Variants in NDST4 observed in about 807,000 individuals in gnomAD.
NDST4 encodes the protein N-heparan sulfate sulfotransferase 4.
NDST4 carries 63 observed loss-of-function variants against 100.8 expected under a neutral mutation model. That is an observed-to-expected ratio of 0.62 (90% confidence interval 0.51 to 0.77). NDST4 has a LOEUF of 0.77. NDST4 is among the 30% of genes least tolerant of loss of function. The pLI, the probability that NDST4 is intolerant of heterozygous loss-of-function variation, is 0.00. For synonymous variants in NDST4, 377 were observed against 361.8 expected (o/e 1.04, Z -0.48); for missense variants, 943 against 1,018.4 (o/e 0.93, Z 1.01).
At chr4:115,002,426 T>A (rs1727311277) in intron 2 of NDST4, among the ~76,000 whole-genome samples, 1 of 152,178 alleles carries the variant, frequency 6.6e-6, no homozygotes, top group African/African-American at 2.4e-5. Flanking sequence ...ATTACAAAAA[T>A]TTCTCCCATT....
chr4:115,040,689 T>C lies in NDST4; in HGVS notation c.978+35370A>G, dbSNP rs115639063. ...TACTTTTAGCAGGAGTTAGGGCTCT[T>C]TGGCAAAGTAGCTAAAACCAGACCT... On this transcript the variant is annotated intron_variant, in intron 2 of 13. Transcript: ENST00000264363. 3.4e-3 allele frequency among the ~76,000 whole-genome samples: 518 copies of C among 152,106 alleles called. 3 individuals are homozygous for C. The highest frequency in any genetic ancestry group is 4.1e-3 in the Non-Finnish European group (276 of 67,952).
intron 2 of NDST4, among the ~76,000 whole-genome samples, chr4:114,981,875 T>C (rs544862548): frequency 6.6e-6 from 1 of 152,268 alleles, no homozygotes; most frequent in Non-Finnish European, 1.5e-5. Context: ...TCACATCAAA[T>C]TGTAATCCCC....
At chr4:115,047,946 G>T (rs556163177) in intron 2 of NDST4, among the ~76,000 whole-genome samples, 5 of 151,972 alleles carry the variant, frequency 3.3e-5, no homozygotes, top group Admixed American at 3.3e-4. Context: ...AATGTATGAG[G>T]TTAAATGAGG....
intron 10 of NDST4, among the ~76,000 whole-genome samples, chr4:114,840,372 C>T (rs2126183664): frequency 6.6e-6 from 1 of 151,896 alleles, no homozygotes; most frequent in South Asian, 2.1e-4. Flanking sequence ...TGAGATAGAT[C>T]CTGGAGATGA....
intron 2 of NDST4, among the ~76,000 whole-genome samples, chr4:114,984,293 C>T (rs1467801726): frequency 6.6e-6 from 1 of 152,028 alleles, no homozygotes; most frequent in Non-Finnish European, 1.5e-5. Flanking sequence ...ATTCTCCTGC[C>T]TCAGCCTCCT....
At chr4:114,842,644 A>AAAAAAAAAAAAAAAAAC in intron 10 of NDST4, 1 of 272,026 alleles carries the variant, frequency 3.7e-6, no homozygotes, top group Non-Finnish European at 6.8e-6. Context: ...AAAAAAAAAA[A>AAAAAAAAAAAAAAAAAC]AAAAAAATTA....
intron 11 of NDST4, among the ~76,000 whole-genome samples, chr4:114,835,377 CA>C (rs1319084987): frequency 6.6e-6 from 1 of 152,106 alleles, no homozygotes; most frequent in Non-Finnish European, 1.5e-5. Context: ...GTTATTTACC[CA>C]GTAGTCACCC....
At chr4:114,991,483 T>G in intron 2 of NDST4, among the ~76,000 whole-genome samples, 1 of 152,064 alleles carries the variant, frequency 6.6e-6, no homozygotes, top group Non-Finnish European at 1.5e-5. Context: ...GAAGAACTAT[T>G]TTTTAATAAC....
intron 1 of NDST4, among the ~76,000 whole-genome samples, chr4:115,078,111 C>A (rs1186376953): frequency 6.6e-6 from 1 of 151,990 alleles, no homozygotes; most frequent in African/African-American, 2.4e-5. Context: ...TTATTTTGTT[C>A]TTGTATTGCT....
intron 4 of NDST4, among the ~76,000 whole-genome samples, chr4:114,944,019 G>A (rs1407695405): frequency 1.3e-5 from 2 of 152,190 alleles, no homozygotes; most frequent in East Asian, 3.9e-4. Context: ...AAGGATTGAA[G>A]CAGAGAGGAG....
At chr4:114,866,583 A>T (rs1724030585) in intron 7 of NDST4, among the ~76,000 whole-genome samples, 1 of 152,168 alleles carries the variant, frequency 6.6e-6, no homozygotes, top group Non-Finnish European at 1.5e-5. Flanking sequence ...TATTTTGAAG[A>T]GAGTGGCTAT....
At chr4:114,896,940 G>A (rs893177571) in intron 6 of NDST4, among the ~76,000 whole-genome samples, 2 of 151,788 alleles carry the variant, frequency 1.3e-5, no homozygotes, top group South Asian at 2.1e-4. Context: ...ATCAATTTTC[G>A]GTTCAGAGCA....
intron 4 of NDST4, among the ~76,000 whole-genome samples, chr4:114,966,234 T>C (rs1386763564): frequency 1.3e-5 from 2 of 151,972 alleles, no homozygotes; most frequent in Admixed American, 6.6e-5. Context: ...TTGGTGCTCA[T>C]GGATTAAGCA....
chr4:115,055,049 C>A (rs534014), intron 2 of NDST4, among the ~76,000 whole-genome samples: 2 of 151,634 alleles, frequency 1.3e-5, no homozygotes, highest in South Asian at 4.2e-4. Context: ...CCACATTCTG[C>A]CAGATCAGTG....
chr4:114,959,969 A>G (rs1427391781), intron 4 of NDST4, among the ~76,000 whole-genome samples: 1 of 152,190 alleles, frequency 6.6e-6, no homozygotes, highest in African/African-American at 2.4e-5. Context: ...TAAACAAAGA[A>G]ATCCATATGC....
intron 4 of NDST4, among the ~76,000 whole-genome samples, chr4:114,951,811 C>A (rs960219689): frequency 2.6e-5 from 4 of 152,078 alleles, no homozygotes; most frequent in African/African-American, 9.7e-5. Flanking sequence ...AATGTGAACT[C>A]ATATCACACA....
At chr4:114,975,477 T>A (rs537833064) in intron 3 of NDST4, among the ~76,000 whole-genome samples, 2 of 152,252 alleles carry the variant, frequency 1.3e-5, no homozygotes, top group Admixed American at 6.5e-5. Flanking sequence ...TCTTTTTTAC[T>A]GTCCTTCTTC....
At chr4:115,026,933 G>A (rs1257434425) in intron 2 of NDST4, among the ~76,000 whole-genome samples, 1 of 152,096 alleles carries the variant, frequency 6.6e-6, no homozygotes, top group East Asian at 1.9e-4. Context: ...ACTTGCATTT[G>A]AAGAAAGAAG....
At chr4:114,948,188 A>G (rs899044799) in intron 4 of NDST4, among the ~76,000 whole-genome samples, 2 of 152,086 alleles carry the variant, frequency 1.3e-5, no homozygotes, top group African/African-American at 4.8e-5. Context: ...GCATTTTCCC[A>G]ACTTAATGTC....
Sources: gnomAD v4.1 joint callset for allele counts (sites outside exome capture counted in the v4.1 genomes callset) on GRCh38, gnomAD v4.1.1 for gene constraint, MANE v1.5 for transcripts, NCBI Gene and HGNC (gene_info 2026-07-23, HGNC 2026-07-21) for gene names.